Variants in GALNT2 observed in about 807,000 individuals in gnomAD.
GALNT2 encodes UDP-GalNAc:polypeptide N-acetylgalactosaminyltransferase 2.
A neutral mutation model predicts 81.4 loss-of-function variants in GALNT2; 31 were observed. That is an observed-to-expected ratio of 0.38 (90% CI 0.29 to 0.51). The LOEUF is 0.51. Among genes scored for constraint, GALNT2 ranks in the 20% least tolerant of loss-of-function variants. GALNT2 has a pLI of 0.87. For synonymous variants in GALNT2, 303 were observed against 287.4 expected (o/e 1.05, Z -0.55); for missense variants, 629 against 765.7 (o/e 0.82, Z 2.11).
chr1:230,130,572 A>T (rs766331545), intron 1 of GALNT2, among the ~76,000 whole-genome samples: 1 of 152,202 alleles, frequency 6.6e-6, no homozygotes, highest in Non-Finnish European at 1.5e-5. Context: ...GTCACGTGGT[A>T]TCAGGAACAC....
At chr1:230,145,405 C>T (rs1467110000) in intron 1 of GALNT2, among the ~76,000 whole-genome samples, 1 of 152,226 alleles carries the variant, frequency 6.6e-6, no homozygotes, top group East Asian at 1.9e-4. Context: ...CTGTCTTCCC[C>T]CAAGGGAAGC....
Position 230,090,127 on chromosome 1 carries a change from C to CT in GALNT2, c.126+22729dup, listed in dbSNP as rs1165050136. On this transcript the variant is annotated intron_variant, in intron 1 of 15. Transcript: ENST00000366672. ...GGTATCTTGTGATTTTGATTATCAT[C>CT]TTTTTTTTGGATGAGGGAAAGTTTG... Among the ~76,000 whole-genome samples the CT allele has an allele frequency of 3.3e-5, 5 of 152,012 alleles. No homozygotes were observed. The South Asian group carries it at 1.0e-3, about 32-fold the overall frequency.
At chr1:230,212,945 C>T (rs1053298644) in intron 3 of GALNT2, among the ~76,000 whole-genome samples, 12 of 151,928 alleles carry the variant, frequency 7.9e-5, no homozygotes, top group Admixed American at 4.6e-4. Context: ...GTAGAGATTT[C>T]GTTTGTGTCG....
chr1:230,261,332 A>T (rs1269606286), intron 11 of GALNT2, among the ~76,000 whole-genome samples: 1 of 152,322 alleles, frequency 6.6e-6, no homozygotes, highest in South Asian at 2.1e-4. Context: ...CCATACAGAA[A>T]TTATTTTAAT....
intron 1 of GALNT2, among the ~76,000 whole-genome samples, chr1:230,138,331 C>A (rs956601144): frequency 2.0e-5 from 3 of 151,960 alleles, no homozygotes; most frequent in Admixed American, 1.3e-4. Flanking sequence ...AAGAGACCAG[C>A]CTGGTCAACA....
chr1:230,136,565 A>G (rs994662227), intron 1 of GALNT2, among the ~76,000 whole-genome samples: 1 of 152,110 alleles, frequency 6.6e-6, no homozygotes, highest in Non-Finnish European at 1.5e-5. Flanking sequence ...CTGTCGGAAT[A>G]TGTCCAGCCC....
At chr1:230,179,560 G>A (rs1663094263) in intron 2 of GALNT2, among the ~76,000 whole-genome samples, 1 of 152,142 alleles carries the variant, frequency 6.6e-6, no homozygotes, top group Non-Finnish European at 1.5e-5. Context: ...ATATGATGTT[G>A]AGCATCTTTT....
intron 6 of GALNT2, among the ~76,000 whole-genome samples, chr1:230,241,603 C>A (rs952238851): frequency 1.3e-5 from 2 of 152,106 alleles, no homozygotes; most frequent in African/African-American, 2.4e-5. Flanking sequence ...CACGCCACCA[C>A]GCCTGGCTAA....
In GALNT2 at chr1:230,136,733, T is replaced by G. The variant is rs374051575; in HGVS notation, c.127-41485T>G. The stretch of plus-strand genomic sequence containing the variant: ...TAGAATTTTCCAAACACCGCTTGTT[T>G]GTAGCTTCACAGGGACTTGGAGAGA... On this transcript the variant is annotated intron_variant, in intron 1 of 15. Coordinates refer to ENST00000366672, the MANE Select transcript of GALNT2 (RefSeq NM_004481.5). Among the ~76,000 whole-genome samples, 4 of 152,216 alleles carry G rather than the reference T, an allele frequency of 2.6e-5. No homozygotes were observed. The East Asian group carries it at 5.8e-4, about 22-fold the overall frequency.
chr1:230,145,069 C>T (rs1001882934), intron 1 of GALNT2, among the ~76,000 whole-genome samples: 3 of 152,122 alleles, frequency 2.0e-5, no homozygotes, highest in South Asian at 2.1e-4. Context: ...TCCAGAGCTG[C>T]GTCATCTGTT....
intron 1 of GALNT2, among the ~76,000 whole-genome samples, chr1:230,152,227 C>T (rs1662113791): frequency 6.6e-6 from 1 of 152,188 alleles, no homozygotes; most frequent in Non-Finnish European, 1.5e-5. Flanking sequence ...TCACATGCCT[C>T]TGACAAAAGT....
At chr1:230,183,274 G>A (rs1047018009) in intron 2 of GALNT2, among the ~76,000 whole-genome samples, 1 of 152,130 alleles carries the variant, frequency 6.6e-6, no homozygotes, top group Non-Finnish European at 1.5e-5. Context: ...TGTACACAGT[G>A]ATTGTTGATA....
chr1:230,058,883 A>G (rs957420134), intron 1 of GALNT2, among the ~76,000 whole-genome samples: 2 of 152,202 alleles, frequency 1.3e-5, no homozygotes, highest in African/African-American at 4.8e-5. Flanking sequence ...CATTAAAGAC[A>G]GCCCATTGTG....
At chr1:230,264,533 G>T (rs1287592391) in intron 13 of GALNT2, 1 of 152,448 alleles carries the variant, frequency 6.6e-6, no homozygotes. Context: ...TGTGGGGGGT[G>T]AGGGAGACAT....
intron 1 of GALNT2, among the ~76,000 whole-genome samples, chr1:230,083,572 T>C (rs1172667309): frequency 6.6e-6 from 1 of 152,166 alleles, no homozygotes; most frequent in Non-Finnish European, 1.5e-5. Context: ...GAAACAACTT[T>C]GAAAGGTCAC....
rs981348932 is a variant in GALNT2, at chr1:230,280,286, G to A, written c.*828G>A. The A allele has an allele frequency of 2.0e-5, 6 of 305,490 alleles. No homozygotes were observed. The highest frequency in any genetic ancestry group is 8.6e-5 in the African/African-American group (4 of 46,330). 18.9% of individuals were successfully genotyped at this position (305,490 alleles called of 1,614,324 possible). On this transcript the variant is annotated 3_prime_UTR_variant, in exon 16 of 16. Coordinates refer to ENST00000366672, the MANE Select transcript of GALNT2 (RefSeq NM_004481.5). The stretch of plus-strand genomic sequence containing the variant: ...GCTGGGGGGCTTCCTCCAGACCACC[G>A]GCCTCGGCCCCGGCATCCCTGTTGG...
At chr1:230,141,142 A>C (rs1661717794) in intron 1 of GALNT2, among the ~76,000 whole-genome samples, 1 of 152,232 alleles carries the variant, frequency 6.6e-6, no homozygotes, top group Non-Finnish European at 1.5e-5. Flanking sequence ...ACAGGAGATT[A>C]GTAGGAACTG....
chr1:230,239,678 G>A (rs1665141219), intron 6 of GALNT2, among the ~76,000 whole-genome samples: 1 of 152,170 alleles, frequency 6.6e-6, no homozygotes, highest in Non-Finnish European at 1.5e-5. Context: ...GGTGTGACTA[G>A]GTTTGGGTCT....
intron 3 of GALNT2, among the ~76,000 whole-genome samples, chr1:230,215,093 G>A (rs6685542): frequency 0.032 from 4,805 of 152,248 alleles, 249 homozygotes; most frequent in African/African-American, 0.1. Context: ...TATAAAGCTG[G>A]GTTTCGGTCT....
Sources: allele counts gnomAD v4.1 joint callset (sites outside exome capture counted in the v4.1 genomes callset), GRCh38; gene constraint gnomAD v4.1.1; transcripts MANE v1.5; gene names NCBI Gene and HGNC (gene_info 2026-07-23, HGNC 2026-07-21).